NCOA1: variants seen among roughly 807,000 people sequenced by gnomAD.
NCOA1 encodes the protein Hin-2 protein.
Under a neutral mutation model 150.9 loss-of-function variants are expected in NCOA1, and 35 were observed. The observed-to-expected ratio is 0.23, with a 90% CI of 0.18 to 0.31. NCOA1 has a LOEUF of 0.31. NCOA1 is among the 10% of genes least tolerant of loss of function. The pLI, the probability that NCOA1 is intolerant of heterozygous loss-of-function variation, is 1.00. For missense variants in NCOA1, 1,491 were observed against 1,749.3 expected, an observed-to-expected ratio of 0.85 and a Z score of 2.63; for synonymous variants, 590 against 630.0, an observed-to-expected ratio of 0.94 and a Z score of 0.95.
At chr2:24,497,985 C>G (rs1292993108) in intron 1 of NCOA1, among the ~76,000 whole-genome samples, 1 of 152,068 alleles carries the variant, frequency 6.6e-6, no homozygotes, top group African/African-American at 2.4e-5. Flanking sequence ...TATTATCAAG[C>G]ATAGATTTGA....
At chr2:24,552,598 C>T (rs1308574227) in intron 1 of NCOA1, among the ~76,000 whole-genome samples, 1 of 151,636 alleles carries the variant, frequency 6.6e-6, no homozygotes, top group African/African-American at 2.4e-5. Flanking sequence ...ATCTCCTGAC[C>T]TCGTCATCTG....
chr2:24,649,096 A>T (rs909442282), intron 4 of NCOA1, among the ~76,000 whole-genome samples: 24 of 151,886 alleles, frequency 1.6e-4, no homozygotes, highest in Middle Eastern at 3.4e-3. Flanking sequence ...TTATTTATTT[A>T]TTTTATTTTT....
chr2:24,638,886 T>C (rs778994969), intron 3 of NCOA1, among the ~76,000 whole-genome samples: 2 of 152,208 alleles, frequency 1.3e-5, no homozygotes, highest in Non-Finnish European at 2.9e-5. Flanking sequence ...TTGAGTTCCT[T>C]GTATATTCTG....
chr2:24,668,608 T>C (rs894323418), intron 6 of NCOA1, among the ~76,000 whole-genome samples: 1 of 152,174 alleles, frequency 6.6e-6, no homozygotes, highest in Admixed American at 6.5e-5. Flanking sequence ...TATACCTGTT[T>C]CAGAAATCTC....
chr2:24,660,991 G>T (rs937180915), intron 5 of NCOA1, among the ~76,000 whole-genome samples: 9 of 152,052 alleles, frequency 5.9e-5, no homozygotes, highest in African/African-American at 1.9e-4. Flanking sequence ...AACCCGGGAG[G>T]TGGAGGTTGC....
intron 2 of NCOA1, among the ~76,000 whole-genome samples, chr2:24,572,111 G>T (rs935096122): frequency 9.9e-5 from 15 of 152,024 alleles, no homozygotes; most frequent in African/African-American, 3.6e-4. Flanking sequence ...ACGCTTTTTG[G>T]TTTAAGAGAC....
rs1185271077 is a variant in NCOA1, at chr2:24,629,813, CATACATATATATATATATATATAT to C, written c.-174-14149_-174-14126del. Reference sequence around the variant, plus strand: ...GCCAGACACTGTTTTAAGTAACATACATACATATATATATATATATATATATATATATATGTATTTTTTTTTTTG... The same window carrying C: ...GCCAGACACTGTTTTAAGTAACATACATATATATATGTATTTTTTTTTTTG... On this transcript the variant is annotated intron_variant, in intron 3 of 22. Transcript: ENST00000348332. Among the ~76,000 whole-genome samples the C allele has an allele frequency of 1.2e-4, 9 of 77,340 alleles. No individual in the cohort carries two copies. The South Asian group carries it at 1.4e-3, about 12-fold the overall frequency. 50.7% of individuals were successfully genotyped at this position (77,340 alleles called of 152,430 possible). A position where few individuals can be genotyped will look rare whatever the true frequency, so the allele number is the denominator to read the frequency against.
intron 2 of NCOA1, among the ~76,000 whole-genome samples, chr2:24,572,102 C>T (rs562490215): frequency 7.9e-5 from 12 of 152,164 alleles, no homozygotes; most frequent in Middle Eastern, 3.4e-3. Context: ...CTAGTAAATA[C>T]GCTTTTTGGT....
At chr2:24,710,632 A>C (rs1673701316) in intron 13 of NCOA1, among the ~76,000 whole-genome samples, 2 of 152,182 alleles carry the variant, frequency 1.3e-5, no homozygotes, top group African/African-American at 4.8e-5. Flanking sequence ...ACTTTTTTCC[A>C]GTCCAATCTT....
chr2:24,592,233 G>T (rs1572460867), intron 3 of NCOA1, among the ~76,000 whole-genome samples: 2 of 152,296 alleles, frequency 1.3e-5, no homozygotes, highest in Admixed American at 1.3e-4. Context: ...GTTAGGCTCA[G>T]ATTCATATAC....
At chr2:24,507,435 G>GTTTTTTTTT (rs10651704) in intron 1 of NCOA1, among the ~76,000 whole-genome samples, 8 of 126,482 alleles carry the variant, frequency 6.3e-5, no homozygotes, top group East Asian at 2.3e-4. Context: ...GAGCTGCTGG[G>GTTTTTTTTT]TTTTTTTTTT....
chr2:24,739,539 G>C lies in NCOA1; in HGVS notation c.3303+6G>C, dbSNP rs771194758. 7 of 1,601,588 alleles carry C rather than the reference G, an allele frequency of 4.4e-6. No homozygotes were observed. Among genetic ancestry groups the C allele is most frequent in the Non-Finnish European group, 6.0e-6 (7 of 1,168,632 alleles). On this transcript the variant is annotated splice_donor_region_variant and intron_variant, in intron 18 of 22. Coordinates refer to ENST00000348332, the MANE Select transcript of NCOA1 (RefSeq NM_003743.5). The stretch of plus-strand genomic sequence containing the variant: ...AACAGCAAATTACACCTCAGGTAAT[G>C]TGAGAAAACCAGACGTCATTAGTAC...
chr2:24,545,550 C>T (rs1244887596), intron 1 of NCOA1, among the ~76,000 whole-genome samples: 1 of 152,156 alleles, frequency 6.6e-6, no homozygotes, highest in Non-Finnish European at 1.5e-5. Context: ...AACCCCCCAC[C>T]TCCTACCACC....
At chr2:24,634,832 C>T (rs1268256579) in intron 3 of NCOA1, among the ~76,000 whole-genome samples, 2 of 151,722 alleles carry the variant, frequency 1.3e-5, no homozygotes, top group Admixed American at 6.6e-5. Flanking sequence ...CCGTTTCAGC[C>T]CCCCAACTGA....
chr2:24,662,402 G>A (rs900719000), intron 5 of NCOA1, among the ~76,000 whole-genome samples: 8 of 152,076 alleles, frequency 5.3e-5, no homozygotes, highest in African/African-American at 9.7e-5. Flanking sequence ...TGTTAAGTGC[G>A]TACTCTTCAG....
chr2:24,705,301 T>G (rs986557572), intron 12 of NCOA1, 68 bp downstream of exon 12: 12 of 1,503,580 alleles, frequency 8.0e-6, no homozygotes, highest in South Asian at 4.8e-5. Flanking sequence ...GAGAAATTTT[T>G]TATACTCTTG....
intron 12 of NCOA1, among the ~76,000 whole-genome samples, chr2:24,706,202 T>C (rs1673416467): frequency 6.6e-6 from 1 of 152,154 alleles, no homozygotes. Context: ...AAAAAATTAT[T>C]ATAATGTTAA....
chr2:24,582,404 A>AAT (rs2148311954), intron 2 of NCOA1, among the ~76,000 whole-genome samples: 1 of 152,294 alleles, frequency 6.6e-6, no homozygotes, highest in South Asian at 2.1e-4. Flanking sequence ...AAGGAGGTGA[A>AAT]ATATCTCTAC....
chr2:24,686,865 A>G (rs541726488), intron 8 of NCOA1, among the ~76,000 whole-genome samples: 2 of 152,330 alleles, frequency 1.3e-5, no homozygotes, highest in African/African-American at 4.8e-5. Flanking sequence ...TTTTAAGAAG[A>G]TAATGATAGT....
Sources: gnomAD v4.1 joint callset for allele counts (sites outside exome capture counted in the v4.1 genomes callset) on GRCh38, gnomAD v4.1.1 for gene constraint, MANE v1.5 for transcripts, NCBI Gene and HGNC (gene_info 2026-07-23, HGNC 2026-07-21) for gene names.